The following BCAS3 variants were observed in gnomAD, a reference collection of about 807,000 sequenced individuals.
BCAS3 encodes the protein BCAS4/BCAS3 fusion.
Under a neutral mutation model 116.1 loss-of-function variants are expected in BCAS3, and 53 were observed. The ratio of observed to expected loss-of-function variants is 0.46; its 90% confidence interval spans 0.37 to 0.57. The LOEUF is 0.57. Ranked by LOEUF, BCAS3 falls within the 20% of genes least tolerant of loss-of-function variation. BCAS3 has a pLI of 0.00. For missense variants in BCAS3, 917 were observed against 1,165.4 expected (o/e 0.79, Z 3.10); for synonymous variants, 391 against 408.2 (o/e 0.96, Z 0.51).
At position 61,196,737 on chromosome 17, in the gene BCAS3, G is replaced by C. The variant is rs903738917; in HGVS notation, c.2425+112173G>C. 2.0e-5 allele frequency among the ~76,000 whole-genome samples: 3 copies of C among 152,212 alleles called. No individual in the cohort carries two copies. Among genetic ancestry groups the C allele is most frequent in the East Asian group, 1.9e-4 (1 of 5,200 alleles). On this transcript the variant is annotated intron_variant, in intron 22 of 23. Coordinates refer to ENST00000407086, the MANE Select transcript of BCAS3 (RefSeq NM_017679.5). The surrounding 1 kb of genome is among the most constrained non-coding windows in gnomAD (Gnocchi z 4.7). Reference sequence around the variant, plus strand: ...AAGTGAAGACTTTCTGAGACGGAAGGCTTGCATTTATCGGCATTCATGCTC... The same window carrying C: ...AAGTGAAGACTTTCTGAGACGGAAGCCTTGCATTTATCGGCATTCATGCTC...
chr17:61,158,134 A>G lies in BCAS3; in HGVS notation c.2425+73570A>G, dbSNP rs1010369076. ...AATGCTAGTCAGTTTGGATCACCTCAAGTTTTATTTAATCATGGATATTTT... is the reference window on the plus strand; with the variant it reads ...AATGCTAGTCAGTTTGGATCACCTCGAGTTTTATTTAATCATGGATATTTT... On this transcript the variant is annotated intron_variant, in intron 22 of 23. Transcript: ENST00000407086. Among the ~76,000 whole-genome samples the G allele has an allele frequency of 3.3e-5, 5 of 152,150 alleles. No homozygotes were observed. In the East Asian group the frequency reaches 9.7e-4, roughly 29 times the overall value.
chr17:60,706,220 G>A (rs768475699), intron 4 of BCAS3, among the ~76,000 whole-genome samples: 26 of 151,686 alleles, frequency 1.7e-4, no homozygotes, highest in Admixed American at 4.6e-4. Flanking sequence ...CCACCACCAC[G>A]CCCGGCTAAT....
chr17:61,122,624 CATT>C lies in BCAS3; in HGVS notation c.2425+38063_2425+38065del, dbSNP rs1013074186. 6.6e-6 allele frequency among the ~76,000 whole-genome samples: 1 copy of C among 152,186 alleles called. No individual in the cohort carries two copies. Among genetic ancestry groups the C allele is most frequent in the Non-Finnish European group, 1.5e-5 (1 of 68,028 alleles). Reference sequence around the variant, plus strand: ...CAGGATTTTGGCAGGTCAGAACAAACATTATCTTGCTCCCATATGTTTTTGTAG... The same window carrying C: ...CAGGATTTTGGCAGGTCAGAACAAACATCTTGCTCCCATATGTTTTTGTAG... On this transcript the variant is annotated intron_variant, in intron 22 of 23. Coordinates refer to ENST00000407086, the MANE Select transcript of BCAS3 (RefSeq NM_017679.5). This position sits in a 1 kb window ranked among gnomAD's most constrained non-coding sequence, Gnocchi z 4.6.
At chr17:61,292,935 T>G (rs1004750956) in intron 22 of BCAS3, among the ~76,000 whole-genome samples, 3 of 152,218 alleles carry the variant, frequency 2.0e-5, no homozygotes, top group Admixed American at 2.0e-4. Context: ...AATCTCCAAT[T>G]AAATCATATA....
rs774508471 is a variant in BCAS3, at chr17:61,019,101, T to C, written c.1637+3200T>C. Among the ~76,000 whole-genome samples, 6 of 152,202 alleles carry C rather than the reference T, an allele frequency of 3.9e-5. No individual in the cohort carries two copies. The highest frequency in any genetic ancestry group is 7.3e-5 in the Non-Finnish European group (5 of 68,028). The stretch of plus-strand genomic sequence containing the variant: ...GGTCCCCAACCCCTGGGCCACAGAC[T>C]GGTGCTAGTCCCTGGCCTGTTAGGA... On this transcript the variant is annotated intron_variant, in intron 16 of 23. Coordinates refer to ENST00000407086, the MANE Select transcript of BCAS3 (RefSeq NM_017679.5). The surrounding 1 kb of genome is among the most constrained non-coding windows in gnomAD (Gnocchi z 5.6).
At chr17:61,110,575 C>A (rs1451726049) in intron 22 of BCAS3, among the ~76,000 whole-genome samples, 1 of 152,228 alleles carries the variant, frequency 6.6e-6, no homozygotes, top group East Asian at 1.9e-4. Flanking sequence ...TATCCCGCAC[C>A]TGGCTGGGAG....
chr17:61,376,395 C>A lies in BCAS3; in HGVS notation c.2593+7901C>A, dbSNP rs927746845. Among the ~76,000 whole-genome samples the A allele has an allele frequency of 7.9e-5, 12 of 152,200 alleles. No homozygotes were observed. The highest frequency in any genetic ancestry group is 4.1e-4 in the South Asian group (2 of 4,832). On this transcript the variant is annotated intron_variant, in intron 23 of 23. Transcript: ENST00000407086. This position sits in a 1 kb window ranked among gnomAD's most constrained non-coding sequence, Gnocchi z 4.5. ...TTCCCTACCACACACAACCACCAAG[C>A]TGCTTTGATCTTTCCAGAGAATCTT...
At chr17:61,292,793 C>T (rs1342944788) in intron 22 of BCAS3, among the ~76,000 whole-genome samples, 1 of 152,148 alleles carries the variant, frequency 6.6e-6, no homozygotes, top group Non-Finnish European at 1.5e-5. Context: ...CACAACCTTG[C>T]AAACTATCAC....
intron 22 of BCAS3, among the ~76,000 whole-genome samples, chr17:61,116,486 AG>A (rs1374122777): frequency 6.6e-6 from 1 of 152,168 alleles, no homozygotes; most frequent in East Asian, 1.9e-4. Context: ...ACCACATCAA[AG>A]AGTGTTGTTT....
chr17:60,931,370 G>A (rs897370306), intron 13 of BCAS3, among the ~76,000 whole-genome samples: 1 of 152,072 alleles, frequency 6.6e-6, no homozygotes, highest in African/African-American at 2.4e-5. Flanking sequence ...CCACCTCCCG[G>A]GTTCAAGCGA....
At chr17:61,385,667 C>T (rs1018925907) in intron 23 of BCAS3, among the ~76,000 whole-genome samples, 74 of 152,234 alleles carry the variant, frequency 4.9e-4, no homozygotes, top group African/African-American at 1.5e-3. Flanking sequence ...CTGTGTGCCG[C>T]GAAGCCATCC....
chr17:61,046,561 T>C (rs1277828178), intron 19 of BCAS3, among the ~76,000 whole-genome samples: 1 of 151,828 alleles, frequency 6.6e-6, no homozygotes, highest in Non-Finnish European at 1.5e-5. Flanking sequence ...TAATACAATG[T>C]AAGTGCTATA....
rs2082523415 is a variant in BCAS3, at chr17:61,229,119, T to A, written c.2426-139208T>A. 6.6e-6 allele frequency among the ~76,000 whole-genome samples: 1 copy of A among 152,188 alleles called. No homozygotes were observed. Among genetic ancestry groups the A allele is most frequent in the Non-Finnish European group, 1.5e-5 (1 of 68,036 alleles). On this transcript the variant is annotated intron_variant, in intron 22 of 23. Coordinates refer to ENST00000407086, the MANE Select transcript of BCAS3 (RefSeq NM_017679.5). This position sits in a 1 kb window ranked among gnomAD's most constrained non-coding sequence, Gnocchi z 4.4. ...TTCTCAAACTGTTGGCCTCAAGCAATCCTCTTGCCTCGGCCTCCCAAAGTG... is the reference window on the plus strand; with the variant it reads ...TTCTCAAACTGTTGGCCTCAAGCAAACCTCTTGCCTCGGCCTCCCAAAGTG...
At chr17:61,062,498 G>A (rs994822049) in intron 19 of BCAS3, among the ~76,000 whole-genome samples, 3 of 152,120 alleles carry the variant, frequency 2.0e-5, no homozygotes, top group African/African-American at 7.2e-5. Context: ...CTATCCTACT[G>A]TTGGTGATTT....
rs1194400064 is a variant in BCAS3 at position 61,233,858 on chromosome 17, C to T, written c.2426-134469C>T. 2.0e-5 allele frequency among the ~76,000 whole-genome samples: 3 copies of T among 152,188 alleles called. No individual in the cohort carries two copies. Among genetic ancestry groups the T allele is most frequent in the African/African-American group, 7.2e-5 (3 of 41,446 alleles). ...CACAGGGAGAATCTCTCTCTGGCTT[C>T]AGTTCTGGCCCCTGAGGCTCTTTCC... is the stretch of plus-strand genomic sequence containing the variant. On this transcript the variant is annotated intron_variant, in intron 22 of 23. Coordinates refer to ENST00000407086, the MANE Select transcript of BCAS3 (RefSeq NM_017679.5). The surrounding 1 kb of genome is among the most constrained non-coding windows in gnomAD (Gnocchi z 4.3).
chr17:60,847,058 C>T (rs2052604721), intron 7 of BCAS3, among the ~76,000 whole-genome samples: 1 of 152,326 alleles, frequency 6.6e-6, no homozygotes, highest in South Asian at 2.1e-4. Flanking sequence ...TTTCATATAA[C>T]TGGATTCACA....
intron 5 of BCAS3, among the ~76,000 whole-genome samples, chr17:60,711,626 A>G (rs997343501): frequency 6.6e-6 from 1 of 152,170 alleles, no homozygotes. Context: ...GTTTAAAGTT[A>G]ATTTCTGTTT....
intron 22 of BCAS3, among the ~76,000 whole-genome samples, chr17:61,147,346 G>A (rs1168669115): frequency 6.6e-6 from 1 of 152,054 alleles, no homozygotes; most frequent in Non-Finnish European, 1.5e-5. Flanking sequence ...AAAGTGCTGG[G>A]ATTACAGGCA....
At chr17:61,016,292 A>G (rs1239945565) in intron 16 of BCAS3, among the ~76,000 whole-genome samples, 1 of 152,220 alleles carries the variant, frequency 6.6e-6, no homozygotes, top group Admixed American at 6.5e-5. Context: ...ACCTTAGATG[A>G]CAACCATCTT....
Sources: gnomAD v4.1 joint callset for allele counts (sites outside exome capture counted in the v4.1 genomes callset) on GRCh38, gnomAD v4.1.1 for gene constraint, Gnocchi (gnomAD v3.1) non-coding constraint, MANE v1.5 for transcripts, NCBI Gene and HGNC (gene_info 2026-07-23, HGNC 2026-07-21) for gene names.